Variants in TMEM156 observed in about 807,000 individuals in gnomAD.
The protein encoded by TMEM156 is transmembrane protein 156.
A neutral mutation model predicts 30.5 loss-of-function variants in TMEM156; 28 were observed. That is an observed-to-expected ratio of 0.92 (90% CI 0.68 to 1.26). The LOEUF is 1.26. TMEM156 is among the 50% of genes most tolerant of loss of function. TMEM156 has a pLI of 0.00. For synonymous variants in TMEM156, 137 were observed against 119.9 expected (o/e 1.14, Z -0.93); for missense variants, 351 against 340.6 (o/e 1.03, Z -0.24).
chr4:39,026,564 T>C (rs2110069218), intron 1 of TMEM156, among the ~76,000 whole-genome samples: 1 of 152,246 alleles, frequency 6.6e-6, no homozygotes, highest in South Asian at 2.1e-4. Flanking sequence ...GTGCCTAAAA[T>C]ATATATATGA....
intron 1 of TMEM156, among the ~76,000 whole-genome samples, chr4:39,012,666 C>T (rs1014140215): frequency 6.6e-6 from 1 of 152,084 alleles, no homozygotes; most frequent in African/African-American, 2.4e-5. Context: ...ATAGACCGGG[C>T]ATGGTGGCTC....
At chr4:39,019,692 A>G (rs112144633) in intron 1 of TMEM156, among the ~76,000 whole-genome samples, 4 of 152,290 alleles carry the variant, frequency 2.6e-5, no homozygotes, top group African/African-American at 9.6e-5. Context: ...ACTAACAAAA[A>G]TTATATATAT....
chr4:38,981,381 C>T lies in TMEM156; in HGVS notation c.823+4955G>A, dbSNP rs146904099. Among the ~76,000 whole-genome samples the T allele has an allele frequency of 2.0e-4, 30 of 152,288 alleles. No homozygotes were observed. In the East Asian group the frequency reaches 5.8e-3, roughly 29 times the overall value. The stretch of plus-strand genomic sequence containing the variant: ...TTGCTTCGTGTTCCCTCAGAACCCA[C>T]TCACATTAATTGCAAGAAAATTTCA... On this transcript the variant is annotated intron_variant, in intron 5 of 6. Transcript: ENST00000381938.
intron 1 of TMEM156, among the ~76,000 whole-genome samples, chr4:39,009,374 G>A (rs1372524342): frequency 6.6e-6 from 1 of 152,090 alleles, no homozygotes; most frequent in Non-Finnish European, 1.5e-5. Context: ...TGAGGAGAAA[G>A]GATTCTTCCC....
intron 5 of TMEM156, among the ~76,000 whole-genome samples, chr4:38,978,458 GT>G (rs1424076352): frequency 6.6e-6 from 1 of 152,012 alleles, no homozygotes; most frequent in Non-Finnish European, 1.5e-5. Flanking sequence ...CACATAATAG[GT>G]ACTCAACAAA....
intron 1 of TMEM156, among the ~76,000 whole-genome samples, chr4:39,019,000 G>A (rs372992901): frequency 8.3e-5 from 12 of 143,980 alleles, no homozygotes; most frequent in African/African-American, 2.9e-4. Context: ...CAGCCTGGGC[G>A]ACAGAGCGAG....
At chr4:39,011,249 A>G (rs896619753) in intron 1 of TMEM156, among the ~76,000 whole-genome samples, 9 of 152,220 alleles carry the variant, frequency 5.9e-5, no homozygotes, top group South Asian at 2.1e-4. Flanking sequence ...TTAAAAAATC[A>G]CAGACATTCA....
intron 1 of TMEM156, among the ~76,000 whole-genome samples, chr4:39,018,480 C>G (rs911349703): frequency 6.6e-6 from 1 of 152,126 alleles, no homozygotes; most frequent in African/African-American, 2.4e-5. Flanking sequence ...TCTGGGATTA[C>G]ATTCCTTCTC....
At chr4:38,993,187 T>TGGGA (rs886485731) in intron 3 of TMEM156, among the ~76,000 whole-genome samples, 2 of 151,896 alleles carry the variant, frequency 1.3e-5, no homozygotes, top group African/African-American at 4.8e-5. Context: ...ACCAGCACTT[T>TGGGA]GGGAGGCCAA....
chr4:38,989,930 A>C (rs1712298430), intron 3 of TMEM156, among the ~76,000 whole-genome samples: 1 of 151,844 alleles, frequency 6.6e-6, no homozygotes, highest in Admixed American at 6.6e-5. Context: ...CTCCGAGGGG[A>C]TTACAGGTGC....
intron 3 of TMEM156, among the ~76,000 whole-genome samples, chr4:38,991,866 G>C (rs28391239): frequency 4.1e-4 from 62 of 152,124 alleles, no homozygotes; most frequent in African/African-American, 1.5e-3. Flanking sequence ...AATCTTTCCA[G>C]AGTCCATCTT....
chr4:39,031,154 A>G (rs913143055), intron 1 of TMEM156, among the ~76,000 whole-genome samples: 1 of 152,254 alleles, frequency 6.6e-6, no homozygotes, highest in Non-Finnish European at 1.5e-5. Context: ...TCAAATTCAT[A>G]TAAAGACTAT....
In TMEM156 at chr4:38,998,887, A is replaced by G; in HGVS notation, c.111T>C (p.Cys37=). 6.2e-7 allele frequency: 1 copy of G among 1,613,362 alleles called. No homozygotes were observed. The highest frequency in any genetic ancestry group is 1.1e-5 in the South Asian group (1 of 90,964). The part of the protein sequence containing the change: ...TPKERTLELS[C]LEVCLQSNFT... ...AATTAGATTGCAAACACACTTCCAG[A>G]CATGATAGCTCCAATGTTCTTTCTG... is the stretch of plus-strand genomic sequence containing the variant. Residue 37 remains cysteine (C), a synonymous_variant, in exon 2 of 7, where the codon TGT becomes TGC. Transcript: ENST00000381938.
intron 5 of TMEM156, among the ~76,000 whole-genome samples, chr4:38,979,952 C>A (rs181162452): frequency 6.6e-6 from 1 of 152,122 alleles, no homozygotes; most frequent in Non-Finnish European, 1.5e-5. Flanking sequence ...CACATAAAAA[C>A]GTTGGCAGTT....
intron 1 of TMEM156, among the ~76,000 whole-genome samples, chr4:39,008,498 G>A (rs1322500610): frequency 6.6e-6 from 1 of 152,044 alleles, no homozygotes; most frequent in Non-Finnish European, 1.5e-5. Context: ...TGCTGCTTGT[G>A]TATTCTTAAT....
chr4:38,994,774 C>T (rs1712805609), intron 2 of TMEM156, among the ~76,000 whole-genome samples: 1 of 152,092 alleles, frequency 6.6e-6, no homozygotes, highest in Non-Finnish European at 1.5e-5. Flanking sequence ...ATGGCAAAAT[C>T]CTATCTCTAC....
intron 6 of TMEM156, among the ~76,000 whole-genome samples, chr4:38,970,550 G>T (rs1388221923): frequency 6.6e-6 from 1 of 151,840 alleles, no homozygotes; most frequent in Non-Finnish European, 1.5e-5. Context: ...ACTTAAGAAA[G>T]ATTTGATGAA....
chr4:39,013,157 C>T (rs1714235353), intron 1 of TMEM156, among the ~76,000 whole-genome samples: 1 of 151,122 alleles, frequency 6.6e-6, no homozygotes. Context: ...AAAAATCAGC[C>T]GGGCATGGTG....
At chr4:38,992,742 A>T (rs1432956995) in intron 3 of TMEM156, among the ~76,000 whole-genome samples, 7 of 48,914 alleles carry the variant, frequency 1.4e-4, no homozygotes, top group South Asian at 7.5e-4. Context: ...TATAATATAT[A>T]ATATATTATA....
Sources: allele counts gnomAD v4.1 joint callset (sites outside exome capture counted in the v4.1 genomes callset), GRCh38; gene constraint gnomAD v4.1.1; transcripts MANE v1.5; gene names NCBI Gene and HGNC (gene_info 2026-07-23, HGNC 2026-07-21).